The following MAST2 variants were observed in gnomAD, a reference collection of about 807,000 sequenced individuals.
The protein encoded by MAST2 is microtubule-associated serine/threonine-protein kinase 2.
Under a neutral mutation model 147.4 loss-of-function variants are expected in MAST2, and 70 were observed. The ratio of observed to expected loss-of-function variants is 0.47; its 90% CI spans 0.39 to 0.58. MAST2 has a LOEUF of 0.58. MAST2 is among the 20% of genes least tolerant of loss of function. The probability of loss-of-function intolerance (pLI) is 0.00; values close to 1 mark genes in which losing one functional copy is unlikely to be tolerated. For synonymous variants in MAST2, 869 were observed against 896.8 expected (o/e 0.97, Z 0.55); for missense variants, 2,080 against 2,302.3 (o/e 0.90, Z 1.98).
At chr1:45,818,469 G>A (rs1644522854) in intron 1 of MAST2, among the ~76,000 whole-genome samples, 1 of 152,182 alleles carries the variant, frequency 6.6e-6, no homozygotes, top group South Asian at 2.1e-4. Flanking sequence ...TGTAGAATAA[G>A]AGAAGATGAC....
In MAST2 at chr1:46,031,634, A is replaced by G. The variant is rs752214433; in HGVS notation, c.3187+49A>G. 1 of 1,565,170 alleles carries G rather than the reference A, an allele frequency of 6.4e-7. No individual in the cohort carries two copies. Among genetic ancestry groups the G allele is most frequent in the South Asian group, 1.2e-5 (1 of 86,210 alleles). On this transcript the variant is annotated intron_variant, in intron 24 of 28. Transcript: ENST00000361297. This position sits in a 1 kb window ranked among gnomAD's most constrained non-coding sequence, Gnocchi z 4.1. Reference sequence around the variant, plus strand: ...TAAAACTCACAGGAAGGGCCTTGTAATCTCTAGGCCTTGGGAGGGTTCTGC... The same window carrying G: ...TAAAACTCACAGGAAGGGCCTTGTAGTCTCTAGGCCTTGGGAGGGTTCTGC...
At chr1:45,864,226 G>A (rs530745080) in intron 3 of MAST2, among the ~76,000 whole-genome samples, 1 of 152,296 alleles carries the variant, frequency 6.6e-6, no homozygotes, top group South Asian at 2.1e-4. Context: ...TTTTCATGCT[G>A]TGCCCTTTTA....
intron 4 of MAST2, among the ~76,000 whole-genome samples, chr1:45,891,657 A>G (rs1158484498): frequency 6.8e-6 from 1 of 147,176 alleles, no homozygotes. Context: ...ACTTTTTCCA[A>G]TTTTTTTTTT....
At chr1:45,864,860 A>G (rs1473313069) in intron 3 of MAST2, among the ~76,000 whole-genome samples, 2 of 152,238 alleles carry the variant, frequency 1.3e-5, no homozygotes, top group African/African-American at 2.4e-5. Flanking sequence ...GAAAACAAAT[A>G]TGAAGTCTTT....
At chr1:45,925,462 A>G (rs1389285248) in intron 4 of MAST2, among the ~76,000 whole-genome samples, 1 of 152,158 alleles carries the variant, frequency 6.6e-6, no homozygotes, top group Non-Finnish European at 1.5e-5. Context: ...TGGCACTCAG[A>G]TGGGGGTGTT....
chr1:46,022,875 C>T, intron 12 of MAST2, 35 bp from the exon 13 acceptor site: 1 of 1,550,266 alleles, frequency 6.5e-7, no homozygotes, highest in African/African-American at 1.4e-5. Flanking sequence ...CCTGACATTG[C>T]CACGCACATT....
intron 10 of MAST2, among the ~76,000 whole-genome samples, chr1:46,016,332 G>A (rs1004477250): frequency 6.6e-6 from 1 of 151,626 alleles, no homozygotes; most frequent in Non-Finnish European, 1.5e-5. Flanking sequence ...TCTGGCCAGG[G>A]CAATGAGGCA....
intron 5 of MAST2, among the ~76,000 whole-genome samples, chr1:45,969,397 T>C (rs1322628140): frequency 6.6e-6 from 1 of 152,222 alleles, no homozygotes; most frequent in Admixed American, 6.5e-5. Flanking sequence ...TCTCATGGCC[T>C]GTTAGAAACC....
At chr1:45,811,662 C>T (rs1201961460) in intron 1 of MAST2, among the ~76,000 whole-genome samples, 1 of 121,890 alleles carries the variant, frequency 8.2e-6, no homozygotes, top group African/African-American at 3.2e-5. Context: ...GACACAGAGT[C>T]TCACTTTGTC....
chr1:46,002,695 G>T (rs1645321230), intron 6 of MAST2, 110 bp from the exon 7 acceptor site: 6 of 847,096 alleles, frequency 7.1e-6, no homozygotes, highest in Non-Finnish European at 1.2e-5. Context: ...GTCTTAAGGA[G>T]GAGCCCTACA....
At chr1:45,853,367 GT>G (rs1232245950) in intron 3 of MAST2, among the ~76,000 whole-genome samples, 5 of 150,434 alleles carry the variant, frequency 3.3e-5, no homozygotes, top group African/African-American at 9.8e-5. Flanking sequence ...AATAATTATT[GT>G]TTTTTTTTGA....
At chr1:45,915,067 A>G (rs1652258863) in intron 4 of MAST2, among the ~76,000 whole-genome samples, 2 of 152,098 alleles carry the variant, frequency 1.3e-5, no homozygotes, top group Admixed American at 6.6e-5. Context: ...AGCAGCTGGG[A>G]CCACAGGCAT....
At chr1:45,988,883 A>T (rs947639688) in intron 5 of MAST2, among the ~76,000 whole-genome samples, 1 of 152,094 alleles carries the variant, frequency 6.6e-6, no homozygotes, top group Non-Finnish European at 1.5e-5. Flanking sequence ...ATCTGCGATT[A>T]TAAGATATTC....
intron 4 of MAST2, among the ~76,000 whole-genome samples, chr1:45,939,013 A>G (rs1015821640): frequency 4.0e-5 from 6 of 151,412 alleles, no homozygotes; most frequent in African/African-American, 1.5e-4. Context: ...GGTTCTTTCC[A>G]TGTATTTGGA....
intron 26 of MAST2, 133 bp downstream of exon 26, chr1:46,032,851 C>T (rs947680580): frequency 3.3e-5 from 41 of 1,243,674 alleles, no homozygotes; most frequent in South Asian, 9.0e-5. Context: ...ACACACAGGC[C>T]GGGCGCGGTG....
intron 5 of MAST2, among the ~76,000 whole-genome samples, chr1:45,989,513 A>G (rs1397155693): frequency 6.6e-6 from 1 of 152,044 alleles, no homozygotes; most frequent in African/African-American, 2.4e-5. Flanking sequence ...TTCTCTTGTC[A>G]TAGTCTGCAT....
intron 4 of MAST2, among the ~76,000 whole-genome samples, chr1:45,954,432 T>C (rs948666027): frequency 6.6e-6 from 1 of 152,026 alleles, no homozygotes; most frequent in Non-Finnish European, 1.5e-5. Context: ...GAGATGACCA[T>C]GGCGAGGTAT....
At chr1:45,984,479 A>T (rs910802678) in intron 5 of MAST2, among the ~76,000 whole-genome samples, 3 of 151,624 alleles carry the variant, frequency 2.0e-5, no homozygotes, top group Non-Finnish European at 4.4e-5. Flanking sequence ...ATAATTTTTT[A>T]AATTTTTGTA....
At chr1:45,920,412 C>T (rs1318260260) in intron 4 of MAST2, among the ~76,000 whole-genome samples, 1 of 152,118 alleles carries the variant, frequency 6.6e-6, no homozygotes, top group Non-Finnish European at 1.5e-5. Flanking sequence ...TTGCTGCTTC[C>T]TAGGCATGCA....
Sources: allele counts gnomAD v4.1 joint callset (sites outside exome capture counted in the v4.1 genomes callset), GRCh38; gene constraint gnomAD v4.1.1; non-coding constraint Gnocchi (gnomAD v3.1); transcripts MANE v1.5; gene names NCBI Gene and HGNC (gene_info 2026-07-23, HGNC 2026-07-21).